Variants in AGBL4 observed in about 807,000 individuals in gnomAD.
The protein encoded by AGBL4 is cytosolic carboxypeptidase 6.
Under a neutral mutation model 66.4 loss-of-function variants are expected in AGBL4, and 58 were observed. The observed-to-expected ratio is 0.87, with a 90% CI of 0.71 to 1.09. The LOEUF (loss-of-function observed/expected upper bound fraction) is 1.09, where lower values mean the gene tolerates loss of function less well. AGBL4 is among the 50% of genes least tolerant of loss of function. The pLI, the probability that AGBL4 is intolerant of heterozygous loss-of-function variation, is 0.00. For synonymous variants in AGBL4, 234 were observed against 222.9 expected (o/e 1.05, Z -0.44); for missense variants, 579 against 631.0 (o/e 0.92, Z 0.88).
At chr1:49,268,409 A>G (rs138265133) in intron 3 of AGBL4, 1 of 132,950 alleles carries the variant, frequency 7.5e-6, no homozygotes, top group African/African-American at 2.9e-5. Context: ...TTTTTTTTTA[A>G]ACACACACAC....
At chr1:48,773,987 C>T (rs1041191265) in intron 6 of AGBL4, among the ~76,000 whole-genome samples, 1 of 152,070 alleles carries the variant, frequency 6.6e-6, no homozygotes, top group African/African-American at 2.4e-5. Flanking sequence ...ATGTAAAGTC[C>T]CACAGCAGTC....
chr1:49,789,651 A>G (rs1644545398), intron 2 of AGBL4, among the ~76,000 whole-genome samples: 1 of 152,226 alleles, frequency 6.6e-6, no homozygotes, highest in Non-Finnish European at 1.5e-5. Flanking sequence ...CTCTTCAAGG[A>G]GAACTACAAA....
intron 3 of AGBL4, among the ~76,000 whole-genome samples, chr1:49,264,114 C>G (rs1653499668): frequency 6.6e-6 from 1 of 151,904 alleles, no homozygotes; most frequent in Non-Finnish European, 1.5e-5. Flanking sequence ...ATAATAATTT[C>G]AGAAATTTGG....
intron 9 of AGBL4, among the ~76,000 whole-genome samples, chr1:48,617,095 C>T (rs530638472): frequency 6.6e-6 from 1 of 152,108 alleles, no homozygotes; most frequent in Admixed American, 6.5e-5. Context: ...GAGGGGGGAG[C>T]TGAGAAGATG....
intron 4 of AGBL4, among the ~76,000 whole-genome samples, chr1:49,099,305 C>T (rs115731806): frequency 6.6e-6 from 1 of 152,104 alleles, no homozygotes; most frequent in Admixed American, 6.5e-5. Flanking sequence ...AAGTTCAGGT[C>T]TGAAAATAAT....
intron 1 of AGBL4, among the ~76,000 whole-genome samples, chr1:49,934,922 T>C (rs1225433662): frequency 2.0e-5 from 3 of 152,004 alleles, no homozygotes; most frequent in African/African-American, 7.2e-5. Context: ...AACAGGCGAT[T>C]TCCGCATTTC....
At chr1:49,251,352 G>T (rs572256001) in intron 3 of AGBL4, among the ~76,000 whole-genome samples, 1 of 152,196 alleles carries the variant, frequency 6.6e-6, no homozygotes, top group Non-Finnish European at 1.5e-5. Flanking sequence ...ATAAAGTGCA[G>T]TCTGCTCCCT....
At chr1:48,799,448 A>T (rs1461379235) in intron 6 of AGBL4, among the ~76,000 whole-genome samples, 1 of 152,198 alleles carries the variant, frequency 6.6e-6, no homozygotes, top group East Asian at 1.9e-4. Flanking sequence ...AAACAGTGAC[A>T]GTTTAACTCC....
intron 1 of AGBL4, among the ~76,000 whole-genome samples, chr1:49,967,284 C>G (rs1278738753): frequency 6.6e-6 from 1 of 152,084 alleles, no homozygotes; most frequent in African/African-American, 2.4e-5. Context: ...CAATAATAGA[C>G]TGGATAAAGA....
At chr1:49,924,002 T>C (rs570261292) in intron 1 of AGBL4, among the ~76,000 whole-genome samples, 3 of 152,312 alleles carry the variant, frequency 2.0e-5, no homozygotes, top group East Asian at 1.9e-4. Context: ...TGTTCTATTA[T>C]ATAGACACAT....
intron 3 of AGBL4, among the ~76,000 whole-genome samples, chr1:49,246,536 G>T (rs1275780545): frequency 6.6e-6 from 1 of 151,818 alleles, no homozygotes; most frequent in Admixed American, 6.6e-5. Flanking sequence ...TACGTTTATA[G>T]CGCCATAAGT....
intron 3 of AGBL4, among the ~76,000 whole-genome samples, chr1:49,564,402 G>C (rs1644137104): frequency 6.6e-6 from 1 of 152,108 alleles, no homozygotes; most frequent in East Asian, 1.9e-4. Flanking sequence ...TGATGTTAGG[G>C]TGCCAATTTT....
chr1:49,397,928 AT>A lies in AGBL4; in HGVS notation c.283-152065del, dbSNP rs376487162. Among the ~76,000 whole-genome samples the A allele has an allele frequency of 2.0e-3, 308 of 152,376 alleles. 4 individuals are homozygous for A. Among genetic ancestry groups the A allele is most frequent in the African/African-American group, 6.9e-3 (286 of 41,604 alleles). On this transcript the variant is annotated intron_variant, in intron 3 of 13. Coordinates refer to ENST00000371839, the MANE Select transcript of AGBL4 (RefSeq NM_032785.4). The stretch of plus-strand genomic sequence containing the variant: ...TCTACTCTACTGTAGCCTACTTTCT[AT>A]TGAAGGAAACACAAACCAAGACAGA...
At chr1:49,913,349 T>C (rs750981452) in intron 1 of AGBL4, among the ~76,000 whole-genome samples, 10 of 152,254 alleles carry the variant, frequency 6.6e-5, no homozygotes, top group Non-Finnish European at 1.2e-4. Flanking sequence ...ACAATGTCCA[T>C]GTAGGAACAA....
chr1:49,313,075 C>A (rs1644969917), intron 3 of AGBL4, among the ~76,000 whole-genome samples: 1 of 151,908 alleles, frequency 6.6e-6, no homozygotes, highest in Admixed American at 6.6e-5. Flanking sequence ...CTCCCTGTAT[C>A]CATGTGTTCT....
intron 3 of AGBL4, among the ~76,000 whole-genome samples, chr1:49,536,931 C>G (rs936300790): frequency 6.6e-6 from 1 of 151,734 alleles, no homozygotes; most frequent in African/African-American, 2.4e-5. Flanking sequence ...CACTTAAACC[C>G]GGGAGCTGGA....
chr1:49,922,133 T>C (rs776217555), intron 1 of AGBL4, among the ~76,000 whole-genome samples: 3 of 152,260 alleles, frequency 2.0e-5, no homozygotes, highest in Non-Finnish European at 4.4e-5. Context: ...TTTGTTTTTG[T>C]TTATGTGATG....
chr1:49,474,724 A>T (rs1313561739), intron 3 of AGBL4, among the ~76,000 whole-genome samples: 1 of 152,010 alleles, frequency 6.6e-6, no homozygotes, highest in Non-Finnish European at 1.5e-5. Context: ...TATAGGTATA[A>T]AAAAGGTATT....
chr1:48,556,418 C>T (rs1239304812), intron 11 of AGBL4, among the ~76,000 whole-genome samples: 1 of 152,216 alleles, frequency 6.6e-6, no homozygotes, highest in Admixed American at 6.5e-5. Flanking sequence ...TTCCATGTCT[C>T]ACTCCATCCT....
Sources: gnomAD v4.1 joint callset for allele counts (sites outside exome capture counted in the v4.1 genomes callset) on GRCh38, gnomAD v4.1.1 for gene constraint, MANE v1.5 for transcripts, NCBI Gene and HGNC (gene_info 2026-07-23, HGNC 2026-07-21) for gene names.